Variants in UPB1 observed in about 807,000 individuals in gnomAD.
UPB1 encodes beta-ureidopropionase 1.
UPB1 carries 40 observed loss-of-function variants against 49.1 expected under a neutral mutation model. The ratio of observed to expected loss-of-function variants is 0.81; its 90% CI spans 0.63 to 1.06. The LOEUF is 1.06. Among genes scored for constraint, UPB1 ranks in the 50% least tolerant of loss-of-function variants. UPB1 has a pLI of 0.00. For synonymous variants in UPB1, 207 were observed against 198.2 expected, an observed-to-expected ratio of 1.04 and a Z score of -0.38; for missense variants, 499 against 505.9, an observed-to-expected ratio of 0.99 and a Z score of 0.13.
In UPB1 at chr22:24,515,343, A is replaced by G; in HGVS notation, c.764A>G (p.Asn255Ser). The change falls in exon 6 of 10, where the codon AAC becomes AGC. Residue 255 changes from asparagine (N) to serine (S), a missense_variant. Physicochemically the swap from Asn to Ser is conservative, Grantham distance 46. Transcript: ENST00000326010. ...ATCAACGGGGCTGAGATCATCTTCA[A>G]CCCCTCGGCCACGATAGGAGCACTC... ...YSINGAEIIF[N>S]PSATIGALSE... 6.2e-7 allele frequency: 1 copy of G among 1,613,660 alleles called. No individual in the cohort carries two copies.
In UPB1 at chr22:24,525,851, A is replaced by G. The variant is rs570390009; in HGVS notation, c.*57A>G. The G allele has an allele frequency of 6.2e-7, 1 of 1,601,532 alleles. No individual in the cohort carries two copies. The highest frequency in any genetic ancestry group is 1.3e-5 in the African/African-American group (1 of 74,740). ...GACACCTCTGCCCCAGTGGATTAGCAAGTGTGGCAGGCTTAACATGTCCAG... is the reference window on the plus strand; with the variant it reads ...GACACCTCTGCCCCAGTGGATTAGCGAGTGTGGCAGGCTTAACATGTCCAG... On this transcript the variant is annotated 3_prime_UTR_variant, in exon 10 of 10. Transcript: ENST00000326010.
chr22:24,515,929 T>C (rs1401588816), intron 6 of UPB1, among the ~76,000 whole-genome samples: 1 of 152,178 alleles, frequency 6.6e-6, no homozygotes, highest in Non-Finnish European at 1.5e-5. Context: ...TGAGCCAAGA[T>C]GGCACCACTG....
At position 24,525,882 on chromosome 22, in the gene UPB1, C is replaced by A. The variant is rs1273985084; in HGVS notation, c.*88C>A. ...GGCAGGCTTAACATGTCCAGGTTCT[C>A]CCCAATAACATTGTCCAGGTTGGTT... On this transcript the variant is annotated 3_prime_UTR_variant, in exon 10 of 10. Transcript: ENST00000326010. 6.6e-7 allele frequency: 1 copy of A among 1,525,316 alleles called. No homozygotes were observed. Among genetic ancestry groups the A allele is most frequent in the Non-Finnish European group, 9.1e-7 (1 of 1,101,402 alleles). 94.5% of individuals were successfully genotyped at this position (1,525,316 alleles called of 1,614,324 possible).
At chr22:24,499,624 A>ATG (rs2043954360) in intron 1 of UPB1, among the ~76,000 whole-genome samples, 1 of 152,142 alleles carries the variant, frequency 6.6e-6, no homozygotes, top group African/African-American at 2.4e-5. Context: ...AAGGCCATCC[A>ATG]TGTGATCCCA....
chr22:24,512,358 CTGT>C (rs538641988), intron 4 of UPB1, among the ~76,000 whole-genome samples: 148 of 152,278 alleles, frequency 9.7e-4, no homozygotes, highest in Non-Finnish European at 1.9e-3. Context: ...CTCCCCTATC[CTGT>C]TGTTAAGGCC....
chr22:24,496,997 A>G (rs1568977290), intron 1 of UPB1, among the ~76,000 whole-genome samples: 2 of 152,164 alleles, frequency 1.3e-5, no homozygotes, highest in Admixed American at 6.5e-5. Context: ...GAGTAAACAC[A>G]TGGACATATG....
At chr22:24,514,131 T>C (rs902129661) in intron 5 of UPB1, among the ~76,000 whole-genome samples, 1 of 152,082 alleles carries the variant, frequency 6.6e-6, no homozygotes, top group Non-Finnish European at 1.5e-5. Context: ...ATGCCTAAGA[T>C]GTTAAATCTG....
At chr22:24,501,920 C>A (rs545688581) in intron 2 of UPB1, among the ~76,000 whole-genome samples, 26 of 152,264 alleles carry the variant, frequency 1.7e-4, no homozygotes, top group Admixed American at 1.4e-3. Flanking sequence ...GAGGCAGTGT[C>A]CAAGTGTCTG....
intron 6 of UPB1, chr22:24,518,403 A>T (rs1317704615): frequency 1.3e-5 from 2 of 152,130 alleles, no homozygotes; most frequent in Admixed American, 1.3e-4. Context: ...AAGGAAAAAA[A>T]AGTTTGCCTA....
intron 8 of UPB1, 77 bp downstream of exon 8, chr22:24,522,105 C>A: frequency 6.5e-7 from 1 of 1,532,826 alleles, no homozygotes; most frequent in South Asian, 1.1e-5. Flanking sequence ...TTCCTCCAGT[C>A]AGGATCTGCC....
At position 24,498,127 on chromosome 22, in the gene UPB1, G is replaced by A. The variant is rs949243439; in HGVS notation, c.105-1980G>A. On this transcript the variant is annotated intron_variant, in intron 1 of 9. Coordinates refer to ENST00000326010, the MANE Select transcript of UPB1 (RefSeq NM_016327.3). Reference sequence around the variant, plus strand: ...GGCCCACTTTCTGGTTTTTGATGGTGCCTTCTCACTGTGTTCTTACATGGT... The same window carrying A: ...GGCCCACTTTCTGGTTTTTGATGGTACCTTCTCACTGTGTTCTTACATGGT... 3.9e-5 allele frequency among the ~76,000 whole-genome samples: 6 copies of A among 152,202 alleles called. No homozygotes were observed. In the South Asian group the frequency reaches 8.3e-4, roughly 21 times the overall value.
intron 3 of UPB1, among the ~76,000 whole-genome samples, chr22:24,505,263 T>A (rs559966654): frequency 6.6e-6 from 1 of 152,230 alleles, no homozygotes; most frequent in African/African-American, 2.4e-5. Context: ...TCTCTCTTAT[T>A]CCAAGAGTCC....
intron 3 of UPB1, among the ~76,000 whole-genome samples, chr22:24,504,279 A>G (rs890913925): frequency 6.6e-6 from 1 of 152,240 alleles, no homozygotes. Context: ...GGCCTTGCCC[A>G]TCTGAAAATA....
At chr22:24,508,012 C>G (rs1432395928) in intron 3 of UPB1, among the ~76,000 whole-genome samples, 9 of 152,162 alleles carry the variant, frequency 5.9e-5, no homozygotes, top group Admixed American at 3.3e-4. Context: ...TCAGACTCCC[C>G]TGGCCCCCTC....
chr22:24,510,694 C>T (rs1601496563), intron 3 of UPB1, 55 bp from the exon 4 acceptor site: 1 of 1,557,330 alleles, frequency 6.4e-7, no homozygotes, highest in East Asian at 2.2e-5. Flanking sequence ...GCTGAGGAGC[C>T]CCCCTCAGAG....
intron 6 of UPB1, among the ~76,000 whole-genome samples, chr22:24,516,988 T>C (rs1305746025): frequency 1.3e-5 from 2 of 152,232 alleles, no homozygotes; most frequent in Non-Finnish European, 1.5e-5. Context: ...CCTCCCAAAG[T>C]GCTGGGATTA....
At chr22:24,525,555 C>T (rs1373024619) in intron 9 of UPB1, among the ~76,000 whole-genome samples, 156 bp from the exon 10 acceptor site, 2 of 152,210 alleles carry the variant, frequency 1.3e-5, no homozygotes, top group Non-Finnish European at 2.9e-5. Flanking sequence ...AACTTTGCCA[C>T]AGTACTAGAA....
chr22:24,502,642 C>G, intron 3 of UPB1: 2 of 665,686 alleles, frequency 3.0e-6, no homozygotes, highest in Non-Finnish European at 2.7e-6. Context: ...TTTACATGCT[C>G]ATGGTTTAGA....
At chr22:24,523,900 T>A in intron 9 of UPB1, 127 bp downstream of exon 9, 1 of 1,404,758 alleles carries the variant, frequency 7.1e-7, no homozygotes, top group Non-Finnish European at 1.0e-6. Context: ...GGGCTCTGTG[T>A]GAGCTGAGGG....
Sources: gnomAD v4.1 joint callset for allele counts (sites outside exome capture counted in the v4.1 genomes callset) on GRCh38, gnomAD v4.1.1 for gene constraint, MANE v1.5 for transcripts, NCBI Gene and HGNC (gene_info 2026-07-23, HGNC 2026-07-21) for gene names.